CCDC175: variants seen among roughly 807,000 people sequenced by gnomAD.
The protein encoded by CCDC175 is coiled-coil domain-containing protein 175.
CCDC175 carries 100 observed loss-of-function variants against 114.6 expected under a neutral mutation model. The ratio of observed to expected loss-of-function variants is 0.87; its 90% CI spans 0.74 to 1.03. The LOEUF (loss-of-function observed/expected upper bound fraction) is 1.03. CCDC175 is among the 50% of genes least tolerant of loss of function. The probability of loss-of-function intolerance (pLI) is 0.00; values close to 1 mark genes in which losing one functional copy is unlikely to be tolerated. For missense variants in CCDC175, 880 were observed against 917.8 expected, an observed-to-expected ratio of 0.96 and a Z score of 0.53; for synonymous variants, 306 against 308.7, an observed-to-expected ratio of 0.99 and a Z score of 0.09.
intron 17 of CCDC175, among the ~76,000 whole-genome samples, chr14:59,517,944 G>A (rs144438608): frequency 0.97 from 148,358 of 152,282 alleles, 72,383 homozygotes; most frequent in East Asian, 1. Context: ...CAGTAACCAA[G>A]ACAGCATGGT....
intron 8 of CCDC175, among the ~76,000 whole-genome samples, chr14:59,547,004 C>T (rs1179483234): frequency 6.6e-6 from 1 of 151,918 alleles, no homozygotes; most frequent in African/African-American, 2.4e-5. Flanking sequence ...CTTTGAGAGG[C>T]GGAGGTGGGA....
rs1491587475 is a variant in CCDC175 at position 59,543,468 on chromosome 14, C to CA, written c.1173-15dup. 3.9e-5 allele frequency: 44 copies of CA among 1,139,382 alleles called. No homozygotes were observed. The highest frequency in any genetic ancestry group is 4.6e-5 in the Non-Finnish European group (38 of 826,464). 70.6% of individuals were successfully genotyped at this position (1,139,382 alleles called of 1,614,324 possible). On this transcript the variant is annotated splice_polypyrimidine_tract_variant and intron_variant, in intron 9 of 19. Coordinates refer to ENST00000537690, the MANE Select transcript of CCDC175 (RefSeq NM_001164399.2). ...TGTTTCTGATTTCTATCATGAAAAACAGAGTTATTTGTTGAAGGCTGACAT... is the reference window on the plus strand; with the variant it reads ...TGTTTCTGATTTCTATCATGAAAAACAAGAGTTATTTGTTGAAGGCTGACAT...
At chr14:59,540,242 G>C (rs1306068002) in intron 11 of CCDC175, among the ~76,000 whole-genome samples, 1 of 152,038 alleles carries the variant, frequency 6.6e-6, no homozygotes, top group African/African-American at 2.4e-5. Flanking sequence ...CCACTTTATA[G>C]GGATGGGAGC....
chr14:59,576,147 C>A (rs188154746), intron 1 of CCDC175, among the ~76,000 whole-genome samples: 9 of 152,264 alleles, frequency 5.9e-5, no homozygotes, highest in African/African-American at 1.9e-4. Context: ...CCTAAACAAC[C>A]CTTTACATCT....
chr14:59,574,653 C>T (rs537487941), intron 2 of CCDC175, among the ~76,000 whole-genome samples: 2 of 152,282 alleles, frequency 1.3e-5, no homozygotes, highest in African/African-American at 2.4e-5. Context: ...TGTGGTCCAC[C>T]TCTTAACTGA....
intron 7 of CCDC175, among the ~76,000 whole-genome samples, chr14:59,556,760 A>G (rs1317833024): frequency 6.6e-6 from 1 of 152,214 alleles, no homozygotes; most frequent in Non-Finnish European, 1.5e-5. Flanking sequence ...AACTCAAACA[A>G]ATTTATAAGA....
At chr14:59,566,229 T>C (rs1028690141) in intron 4 of CCDC175, among the ~76,000 whole-genome samples, 10 of 152,180 alleles carry the variant, frequency 6.6e-5, no homozygotes, top group African/African-American at 2.4e-4. Context: ...AAGGAAGACC[T>C]TAAGATTGTC....
chr14:59,518,706 T>C lies in CCDC175; in HGVS notation c.2098+2868A>G, dbSNP rs1047348664. Among the ~76,000 whole-genome samples the C allele has an allele frequency of 1.6e-4, 24 of 152,134 alleles. 1 individual carries two copies. Among genetic ancestry groups the C allele is most frequent in the African/African-American group, 5.8e-4 (24 of 41,408 alleles). ...AGGATATGGAGAAACAGGAACACTT[T>C]TACACTGTTGGTGGGACTGTAAACT... On this transcript the variant is annotated intron_variant, in intron 17 of 19. Transcript: ENST00000537690.
At chr14:59,568,209 C>A in intron 4 of CCDC175, 36 bp downstream of exon 4, 2 of 1,507,194 alleles carry the variant, frequency 1.3e-6, no homozygotes, top group South Asian at 1.3e-5. Flanking sequence ...GCCTCAGACC[C>A]CTGCTCCCTC....
At chr14:59,565,591 C>T (rs756262639) in intron 4 of CCDC175, among the ~76,000 whole-genome samples, 6 of 151,990 alleles carry the variant, frequency 3.9e-5, no homozygotes, top group Non-Finnish European at 8.8e-5. Flanking sequence ...CCTGTAATCC[C>T]AGCTACTCGG....
At chr14:59,575,066 T>C (rs1326865919) in intron 1 of CCDC175, 38 bp from the exon 2 acceptor site, 4 of 1,147,416 alleles carry the variant, frequency 3.5e-6, no homozygotes, top group Non-Finnish European at 4.9e-6. Flanking sequence ...CTCTTATTTA[T>C]CTATCCAAAT....
intron 7 of CCDC175, among the ~76,000 whole-genome samples, chr14:59,554,635 T>C (rs937217244): frequency 4.1e-4 from 62 of 151,912 alleles, no homozygotes; most frequent in African/African-American, 1.2e-3. Flanking sequence ...CTGAAGGAAA[T>C]AGAGACATAA....
At chr14:59,539,268 T>A (rs1894609407) in intron 11 of CCDC175, among the ~76,000 whole-genome samples, 2 of 152,182 alleles carry the variant, frequency 1.3e-5, no homozygotes, top group South Asian at 4.1e-4. Context: ...AGCTACATAT[T>A]TGAAGAATGG....
chr14:59,547,167 G>C (rs1448247901), intron 8 of CCDC175, among the ~76,000 whole-genome samples: 1 of 152,026 alleles, frequency 6.6e-6, no homozygotes, highest in East Asian at 1.9e-4. Flanking sequence ...ATCCCAAGGA[G>C]GAAAAATGAA....
chr14:59,529,242 T>A (rs1198162772), intron 14 of CCDC175, among the ~76,000 whole-genome samples: 1 of 152,222 alleles, frequency 6.6e-6, no homozygotes, highest in Non-Finnish European at 1.5e-5. Context: ...CACCACTGGC[T>A]GGCAGCATTC....
intron 1 of CCDC175, among the ~76,000 whole-genome samples, chr14:59,576,133 A>G (rs1439212359): frequency 3.3e-5 from 5 of 152,212 alleles, no homozygotes; most frequent in African/African-American, 1.2e-4. Flanking sequence ...TTCTATTAGA[A>G]TCTCCTAAAC....
At chr14:59,517,149 C>A (rs377170800) in intron 17 of CCDC175, among the ~76,000 whole-genome samples, 2 of 152,046 alleles carry the variant, frequency 1.3e-5, no homozygotes, top group East Asian at 1.9e-4. Flanking sequence ...TCAATAAATT[C>A]GGTATTGATG....
chr14:59,543,413 A>T lies in CCDC175; in HGVS notation c.1214T>A (p.Phe405Tyr). Residue 405 changes from phenylalanine to tyrosine, a missense_variant, in exon 10 of 20, where the codon TTT (phenylalanine) becomes TAT (tyrosine). Transcript: ENST00000537690. ...GATGTCTACTCTCTTTTGTGACAGAAAGTATTCTTTCTGAGAAATAAATGT... is the reference window on the plus strand; with the variant it reads ...GATGTCTACTCTCTTTTGTGACAGATAGTATTCTTTCTGAGAAATAAATGT... Reference protein sequence around the residue: ...QLTFISQKEYFLSQKRVDIKN... With the variant: ...QLTFISQKEYYLSQKRVDIKN... 1 of 1,474,544 alleles carries T rather than the reference A, an allele frequency of 6.8e-7. No individual in the cohort carries two copies. Among genetic ancestry groups the T allele is most frequent in the Non-Finnish European group, 9.0e-7 (1 of 1,107,564 alleles). The allele number at this position is 1,474,544 out of a possible 1,614,324, so 91.3% of individuals were successfully genotyped here. A position where few individuals can be genotyped will look rare whatever the true frequency, so the allele number is the denominator to read the frequency against.
intron 19 of CCDC175, among the ~76,000 whole-genome samples, chr14:59,508,330 CAGG>C (rs1892543940): frequency 6.7e-6 from 1 of 150,222 alleles, no homozygotes; most frequent in African/African-American, 2.5e-5. Flanking sequence ...GAGGCTGAGG[CAGG>C]AGGATTGCTT....
Sources: gnomAD v4.1 joint callset for allele counts (sites outside exome capture counted in the v4.1 genomes callset) on GRCh38, gnomAD v4.1.1 for gene constraint, MANE v1.5 for transcripts, NCBI Gene and HGNC (gene_info 2026-07-23, HGNC 2026-07-21) for gene names.